The following TBC1D16 variants were observed in gnomAD, a reference collection of about 807,000 sequenced individuals.
TBC1D16 encodes TBC1 domain family member 16.
In TBC1D16, 58 loss-of-function variants were observed where a neutral mutation model predicts 74.7. The observed-to-expected ratio is 0.78, with a 90% confidence interval of 0.63 to 0.97. TBC1D16 has a LOEUF of 0.97. Ranked by LOEUF, TBC1D16 falls within the 50% of genes least tolerant of loss-of-function variation. TBC1D16 has a pLI of 0.00. For missense variants in TBC1D16, 1,014 were observed against 1,079.5 expected (o/e 0.94, Z 0.85); for synonymous variants, 493 against 474.7 (o/e 1.04, Z -0.50).
At position 80,034,930 on chromosome 17, in the gene TBC1D16, A is replaced by C. The variant is rs375098481; in HGVS notation, c.-63+865T>G. 1.4e-4 allele frequency among the ~76,000 whole-genome samples: 22 copies of C among 152,346 alleles called. No homozygotes were observed. The East Asian group carries it at 2.1e-3, about 15-fold the overall frequency. ...AGCCTTCTGGTAGAAAAGAAAGCAG[A>C]TCTTCAGGATCAAGTCGCAGAGGCT... On this transcript the variant is annotated intron_variant, in intron 1 of 11. Transcript: ENST00000310924.
At chr17:80,024,526 T>TATATACACACA (rs1568648497) in intron 1 of TBC1D16, among the ~76,000 whole-genome samples, 1 of 73,898 alleles carries the variant, frequency 1.4e-5, no homozygotes, top group African/African-American at 5.7e-5. Flanking sequence ...ACGCACACCA[T>TATATACACACA]GCACACACCA....
chr17:80,019,074 T>A (rs1288665135), intron 1 of TBC1D16, among the ~76,000 whole-genome samples: 5 of 150,120 alleles, frequency 3.3e-5, no homozygotes, highest in African/African-American at 1.3e-4. Flanking sequence ...CTCTACTCAG[T>A]GTGATCGCTC....
chr17:79,960,949 C>T (rs1337909442), intron 3 of TBC1D16, among the ~76,000 whole-genome samples: 1 of 152,122 alleles, frequency 6.6e-6, no homozygotes, highest in Admixed American at 6.5e-5. Flanking sequence ...CACACCCCTA[C>T]CATATGACTC....
chr17:79,945,281 G>A (rs1171015457), intron 9 of TBC1D16, among the ~76,000 whole-genome samples, 194 bp from the exon 10 acceptor site: 1 of 152,186 alleles, frequency 6.6e-6, no homozygotes, highest in Non-Finnish European at 1.5e-5. Context: ...ACCTGCCTCT[G>A]CCAGTTCCTC....
chr17:79,941,934 A>C lies in TBC1D16; in HGVS notation c.2055+126T>G. The C allele has an allele frequency of 2.5e-6, 2 of 798,900 alleles. No individual in the cohort carries two copies. The highest frequency in any genetic ancestry group is 3.8e-6 in the Non-Finnish European group (2 of 524,502). 49.5% of individuals were successfully genotyped at this position (798,900 alleles called of 1,614,324 possible). A position where few individuals can be genotyped will look rare whatever the true frequency, so the allele number is the denominator to read the frequency against. On this transcript the variant is annotated intron_variant, in intron 11 of 11. Transcript: ENST00000310924. This position sits in a 1 kb window ranked among gnomAD's most constrained non-coding sequence, Gnocchi z 4.3. ...GGGGGAGGGCACGTGCTGGGGGGCC[A>C]TGGTGGGGATGGGGCTCTGGGGGCG...
intron 1 of TBC1D16, among the ~76,000 whole-genome samples, chr17:80,028,142 C>A (rs2036648494): frequency 6.6e-6 from 1 of 151,886 alleles, no homozygotes; most frequent in South Asian, 2.1e-4. Flanking sequence ...GAAAGGATAG[C>A]AATGCCAACT....
intron 3 of TBC1D16, among the ~76,000 whole-genome samples, chr17:79,969,554 C>T (rs1312510258): frequency 1.3e-5 from 2 of 152,126 alleles, no homozygotes; most frequent in Admixed American, 1.3e-4. Flanking sequence ...AATGGAGCAG[C>T]CAATTGTGGA....
Position 79,933,505 on chromosome 17 carries a change from G to C in TBC1D16, c.*7354C>G, listed in dbSNP as rs979210591. 3 of 152,228 alleles carry C rather than the reference G, an allele frequency of 2.0e-5. No individual in the cohort carries two copies. Among genetic ancestry groups the C allele is most frequent in the Admixed American group, 1.3e-4 (2 of 15,282 alleles). The allele number at this position is 152,228 out of a possible 1,614,324, so 9.4% of individuals were successfully genotyped here. A position where few individuals can be genotyped will look rare whatever the true frequency, so the allele number is the denominator to read the frequency against. Reference sequence around the variant, plus strand: ...CTGGCTCATGGCCTGTCCTGGGCACGGGGAGGAAGGGAGACACCCGTAATA... The same window carrying C: ...CTGGCTCATGGCCTGTCCTGGGCACCGGGAGGAAGGGAGACACCCGTAATA... On this transcript the variant is annotated 3_prime_UTR_variant, in exon 12 of 12. Transcript: ENST00000310924.
Position 79,950,392 on chromosome 17 carries a change from G to T in TBC1D16, c.1257+19C>A. The T allele has an allele frequency of 6.3e-7, 1 of 1,590,188 alleles. No individual in the cohort carries two copies. ...CGGCCGGCTCTCCGCGGGGCCAGCTGGGCGGACCCGGACCTCACCTTCCGC... is the reference window on the plus strand; with the variant it reads ...CGGCCGGCTCTCCGCGGGGCCAGCTTGGCGGACCCGGACCTCACCTTCCGC... On this transcript the variant is annotated intron_variant, in intron 6 of 11. Transcript: ENST00000310924. This position sits in a 1 kb window ranked among gnomAD's most constrained non-coding sequence, Gnocchi z 4.6.
intron 1 of TBC1D16, among the ~76,000 whole-genome samples, chr17:80,031,558 T>G (rs2036776266): frequency 1.3e-5 from 2 of 152,112 alleles, no homozygotes; most frequent in Non-Finnish European, 2.9e-5. Context: ...ACTCTCCTTT[T>G]GCAACTGTCC....
At position 79,994,676 on chromosome 17, in the gene TBC1D16, G is replaced by C. The variant is rs764555131; in HGVS notation, c.779+15484C>G. Reference sequence around the variant, plus strand: ...TGACCTCAGGTGATCCACCAGCCTCGGCATCCCAAAGTGCTGGGATTACAG... The same window carrying C: ...TGACCTCAGGTGATCCACCAGCCTCCGCATCCCAAAGTGCTGGGATTACAG... On this transcript the variant is annotated intron_variant, in intron 3 of 11. Transcript: ENST00000310924. This position sits in a 1 kb window ranked among gnomAD's most constrained non-coding sequence, Gnocchi z 4.6. 2.0e-5 allele frequency among the ~76,000 whole-genome samples: 3 copies of C among 152,054 alleles called. No individual in the cohort carries two copies. The highest frequency in any genetic ancestry group is 2.9e-5 in the Non-Finnish European group (2 of 68,022).
intron 3 of TBC1D16, among the ~76,000 whole-genome samples, chr17:79,982,215 C>T (rs549083744): frequency 6.7e-5 from 10 of 149,620 alleles, no homozygotes; most frequent in Admixed American, 5.3e-4. Context: ...GACACGATCT[C>T]GGCTCACCAC....
At position 79,981,071 on chromosome 17, in the gene TBC1D16, T is replaced by C. The variant is rs1227721974; in HGVS notation, c.780-28253A>G. Among the ~76,000 whole-genome samples, 2 of 152,230 alleles carry C rather than the reference T, an allele frequency of 1.3e-5. No homozygotes were observed. Among genetic ancestry groups the C allele is most frequent in the East Asian group, 3.8e-4 (2 of 5,200 alleles). On this transcript the variant is annotated intron_variant, in intron 3 of 11. Coordinates refer to ENST00000310924, the MANE Select transcript of TBC1D16 (RefSeq NM_019020.4). The surrounding 1 kb of genome is among the most constrained non-coding windows in gnomAD (Gnocchi z 6.9). The stretch of plus-strand genomic sequence containing the variant: ...CTCATTTATATTCATTTAAATTCCA[T>C]CCACACACTTGTCACAGCAAAGCTG...
chr17:79,989,306 T>C (rs981572024), intron 3 of TBC1D16, among the ~76,000 whole-genome samples: 3 of 152,250 alleles, frequency 2.0e-5, no homozygotes. Context: ...ACGGGTTTTA[T>C]CACTGGACGC....
Position 80,010,628 on chromosome 17 carries a change from G to A in TBC1D16, c.311C>T (p.Pro104Leu). 1.9e-6 allele frequency: 3 copies of A among 1,577,038 alleles called. No homozygotes were observed. The highest frequency in any genetic ancestry group is 2.6e-6 in the Non-Finnish European group (3 of 1,164,234). Residue 104 changes from proline to leucine, a missense_variant, in exon 3 of 12, where the codon CCC (proline) becomes CTC (leucine). Transcript: ENST00000310924. This position sits in a 1 kb window ranked among gnomAD's most constrained non-coding sequence, Gnocchi z 8.8. ...CCGAGGGCGGGGTGCCTTGCGAACG[G>A]GGGAGCTCTCGGGTGTGATGTAGCG... ...ALRYITPESS[P>L]VRKAPRPRGR...
Position 80,034,170 on chromosome 17 carries a change from A to G in TBC1D16, c.-63+1625T>C. On this transcript the variant is annotated intron_variant, in intron 1 of 11. Transcript: ENST00000310924. ...ATCACCAAAATTGCTAGAGGATTAA[A>G]TAATTCCACAGATAAAAACTTTTTT... 1.3e-5 allele frequency among the ~76,000 whole-genome samples: 2 copies of G among 151,770 alleles called. 1 individual carries two copies. The highest frequency in any genetic ancestry group is 4.8e-5 in the African/African-American group (2 of 41,276).
rs145001186 is a variant in TBC1D16, at chr17:79,994,154, G to A, written c.779+16006C>T. ...CTTTTTAAAGAGCTGTCAGTCCTTC[G>A]GAAGACAGTCAATAACAGCATGGTT... On this transcript the variant is annotated intron_variant, in intron 3 of 11. Coordinates refer to ENST00000310924, the MANE Select transcript of TBC1D16 (RefSeq NM_019020.4). This position sits in a 1 kb window ranked among gnomAD's most constrained non-coding sequence, Gnocchi z 4.6. 1.9e-4 allele frequency among the ~76,000 whole-genome samples: 29 copies of A among 151,936 alleles called. No individual in the cohort carries two copies. Among genetic ancestry groups the A allele is most frequent in the African/African-American group, 6.5e-4 (27 of 41,382 alleles).
Position 79,942,215 on chromosome 17 carries a change from G to A in TBC1D16, c.1909-9C>T. On this transcript the variant is annotated splice_polypyrimidine_tract_variant and intron_variant, in intron 10 of 11. Transcript: ENST00000310924. ...AGGTGGAAGTAGTCCGTCTGTGGAG[G>A]CGGGTAGAGTTCAGACACGGGCTCT... 2.5e-6 allele frequency: 4 copies of A among 1,583,444 alleles called. No homozygotes were observed. Among genetic ancestry groups the A allele is most frequent in the Admixed American group, 1.8e-5 (1 of 56,396 alleles).
intron 3 of TBC1D16, among the ~76,000 whole-genome samples, chr17:79,972,162 AAAGG>A (rs1334835598): frequency 3.9e-5 from 6 of 152,106 alleles, no homozygotes; most frequent in Non-Finnish European, 7.4e-5. Context: ...TTAGCTATAA[AAAGG>A]AAGGAAATTC....
Sources: gnomAD v4.1 joint callset for allele counts (sites outside exome capture counted in the v4.1 genomes callset) on GRCh38, gnomAD v4.1.1 for gene constraint, Gnocchi (gnomAD v3.1) non-coding constraint, MANE v1.5 for transcripts, NCBI Gene and HGNC (gene_info 2026-07-23, HGNC 2026-07-21) for gene names.